NBPF4: variants seen among roughly 807,000 people sequenced by gnomAD.
The protein encoded by NBPF4 is NBPF family member NBPF4.
In NBPF4, 11 loss-of-function variants were observed where a neutral mutation model predicts 21.1. The ratio of observed to expected loss-of-function variants is 0.52; its 90% confidence interval spans 0.33 to 0.86. The LOEUF (loss-of-function observed/expected upper bound fraction) is 0.86, where lower values mean the gene tolerates loss of function less well. NBPF4 is among the 40% of genes least tolerant of loss of function. The pLI is 0.03. For missense variants in NBPF4, 88 were observed against 265.3 expected (o/e 0.33, Z 4.64); for synonymous variants, 47 against 106.4 (o/e 0.44, Z 3.43).
the NBPF4 span, among the ~76,000 whole-genome samples, chr1:108,256,589 T>TCTCCCTCC: frequency 9.0e-5 from 7 of 77,456 alleles, no homozygotes; most frequent in African/African-American, 2.5e-4. Context: ...TCCCTCCCTC[T>TCTCCCTCC]CTCCCTCCCT....
At chr1:108,259,500 AAC>A in the NBPF4 span, among the ~76,000 whole-genome samples, 1 of 144,298 alleles carries the variant, frequency 6.9e-6, no homozygotes, top group Non-Finnish European at 1.5e-5. Context: ...ATAACCAATC[AAC>A]AGTTTCATTA....
rs929952048 is a variant in NBPF4, at chr1:108,241,339, TAC to T, written c.279-177_279-176del. ...AAAGAAGAATATATATATATATATA[TAC>T]ACACACACACACACACACACATACA... On this transcript the variant is annotated intron_variant, in intron 3 of 14. Transcript: ENST00000415641. Among the ~76,000 whole-genome samples, 245 of 110,236 alleles carry T rather than the reference TAC, an allele frequency of 2.2e-3. 29 individuals are homozygous for T. The South Asian group carries it at 0.036, about 16-fold the overall frequency. 72.3% of individuals were successfully genotyped at this position (110,236 alleles called of 152,430 possible).
rs2101667653 is a variant in NBPF4 at position 108,223,156 on chromosome 1, T to C, written c.*549A>G. 6.6e-6 allele frequency among the ~76,000 whole-genome samples: 1 copy of C among 152,280 alleles called. No individual in the cohort carries two copies. The highest frequency in any genetic ancestry group is 1.9e-4 in the East Asian group (1 of 5,176). ...GGAGATGTTTTGGGTTCAAAATGAC[T>C]AAAAAAGCATAAGCTGCATAGGCTT... On this transcript the variant is annotated 3_prime_UTR_variant, in exon 15 of 15. Transcript: ENST00000415641.
chr1:108,267,819 T>C, the NBPF4 span, among the ~76,000 whole-genome samples: 1 of 69,070 alleles, frequency 1.4e-5, no homozygotes, highest in African/African-American at 5.4e-5. Flanking sequence ...AATGGGTAAA[T>C]TTATTTGGAT....
rs1482863725 is a variant in NBPF4, at chr1:108,222,975, G to A, written c.*730C>T. 6.6e-6 allele frequency among the ~76,000 whole-genome samples: 1 copy of A among 152,086 alleles called. No individual in the cohort carries two copies. Among genetic ancestry groups the A allele is most frequent in the Non-Finnish European group, 1.5e-5 (1 of 68,018 alleles). On this transcript the variant is annotated 3_prime_UTR_variant, in exon 15 of 15. Transcript: ENST00000415641. ...GCTGAGGTAGGAAGCTCACAGCATG[G>A]ACTCTGCAGAGTTCCTGGCAAAATG...
the NBPF4 span, among the ~76,000 whole-genome samples, chr1:108,268,483 A>G: frequency 0.043 from 6,433 of 150,488 alleles, 407 homozygotes; most frequent in African/African-American, 0.15. Flanking sequence ...AAGAAATTCC[A>G]TGGCAAGTAA....
chr1:108,257,514 T>C, the NBPF4 span, among the ~76,000 whole-genome samples: 2 of 150,100 alleles, frequency 1.3e-5, no homozygotes, highest in African/African-American at 2.5e-5. Flanking sequence ...ATTCCCAGCC[T>C]CTGGTACACA....
intron 14 of NBPF4, among the ~76,000 whole-genome samples, chr1:108,226,244 C>T (rs976828070): frequency 9.3e-5 from 14 of 151,218 alleles, no homozygotes; most frequent in Admixed American, 1.3e-4. Context: ...AAAGAAGACT[C>T]AAGAGGAAAA....
chr1:108,247,958 C>T (rs1218774720), upstream of NBPF4, among the ~76,000 whole-genome samples: 2 of 151,258 alleles, frequency 1.3e-5, no homozygotes, highest in Admixed American at 1.3e-4. Flanking sequence ...GAACTCTAGG[C>T]ACACATCACC....
upstream of NBPF4, among the ~76,000 whole-genome samples, chr1:108,244,969 C>T (rs1212763898): frequency 1.2e-5 from 1 of 83,136 alleles, no homozygotes; most frequent in Non-Finnish European, 2.4e-5. Context: ...TAGAGTTGCT[C>T]TAACACTGTT....
chr1:108,222,891 C>A lies in NBPF4; in HGVS notation c.*814G>T, dbSNP rs893520661. 7.9e-5 allele frequency among the ~76,000 whole-genome samples: 12 copies of A among 152,184 alleles called. No homozygotes were observed. The highest frequency in any genetic ancestry group is 8.8e-5 in the Non-Finnish European group (6 of 68,024). Reference sequence around the variant, plus strand: ...CCTAGACCCCTCCTTAACCAAGTGACCATCCTAGTATCACCGCACTGGGGA... The same window carrying A: ...CCTAGACCCCTCCTTAACCAAGTGAACATCCTAGTATCACCGCACTGGGGA... On this transcript the variant is annotated 3_prime_UTR_variant, in exon 15 of 15. Coordinates refer to ENST00000415641, the MANE Select transcript of NBPF4 (RefSeq NM_001143989.3).
chr1:108,257,752 C>CT, the NBPF4 span, among the ~76,000 whole-genome samples: 2 of 100,852 alleles, frequency 2.0e-5, no homozygotes, highest in African/African-American at 4.1e-5. Context: ...ATCTTTTTTT[C>CT]TTTTCTTTTC....
upstream of NBPF4, among the ~76,000 whole-genome samples, chr1:108,247,863 G>A (rs1484287100): frequency 3.1e-5 from 4 of 127,200 alleles, no homozygotes; most frequent in South Asian, 2.6e-4. Context: ...ACAGGTTCTC[G>A]TTCTGTCATC....
At position 108,223,488 on chromosome 1, in the gene NBPF4, G is replaced by A. The variant is rs750564292; in HGVS notation, c.*217C>T. The A allele has an allele frequency of 1.1e-4, 68 of 592,294 alleles. No individual in the cohort carries two copies. Among genetic ancestry groups the A allele is most frequent in the Non-Finnish European group, 1.8e-4 (59 of 328,986 alleles). The allele number at this position is 592,294 out of a possible 1,614,324, so 36.7% of individuals were successfully genotyped here. A position where few individuals can be genotyped will look rare whatever the true frequency, so the allele number is the denominator to read the frequency against. On this transcript the variant is annotated 3_prime_UTR_variant, in exon 15 of 15. Coordinates refer to ENST00000415641, the MANE Select transcript of NBPF4 (RefSeq NM_001143989.3). Reference sequence around the variant, plus strand: ...CCGGTCAATGCTATTTGTCCATCTGGGCATTGGTCTCCCTAGGTATTGATC... The same window carrying A: ...CCGGTCAATGCTATTTGTCCATCTGAGCATTGGTCTCCCTAGGTATTGATC...
chr1:108,226,697 C>A lies in NBPF4; in HGVS notation c.1857G>T (p.Pro619=), dbSNP rs1176267074. The A allele has an allele frequency of 5.9e-6, 8 of 1,365,134 alleles. No homozygotes were observed. The highest frequency in any genetic ancestry group is 6.9e-6 in the Non-Finnish European group (7 of 1,013,666). 84.6% of individuals were successfully genotyped at this position (1,365,134 alleles called of 1,614,324 possible). The change falls in exon 14 of 15, where the codon CCG becomes CCT. Residue 619 remains proline (P), a synonymous_variant. Coordinates refer to ENST00000415641, the MANE Select transcript of NBPF4 (RefSeq NM_001143989.3). ...TGATTACCTCTGCGCTCTCAGCATGCGGGCCAGCGAATCTGAATGCCAGTC... is the reference window on the plus strand; with the variant it reads ...TGATTACCTCTGCGCTCTCAGCATGAGGGCCAGCGAATCTGAATGCCAGTC... ...KWRLAFRFAG[P]HAESAEIPNT... is the part of the protein sequence containing the mutation.
At chr1:108,253,829 T>C in the NBPF4 span, among the ~76,000 whole-genome samples, 14 of 18,344 alleles carry the variant, frequency 7.6e-4, no homozygotes, top group African/African-American at 3.0e-3. Flanking sequence ...TGATTAGTGA[T>C]ATTGAGCAAC....
chr1:108,241,343 C>G (rs868065161), intron 3 of NBPF4, among the ~76,000 whole-genome samples, 179 bp from the exon 4 acceptor site: 21 of 106,696 alleles, frequency 2.0e-4, no homozygotes, highest in Admixed American at 1.2e-3. Flanking sequence ...TATATATACA[C>G]ACACACACAC....
At chr1:108,257,762 C>CTTTTTT in the NBPF4 span, among the ~76,000 whole-genome samples, 1,596 of 54,822 alleles carry the variant, frequency 0.029, 4 homozygotes, top group Non-Finnish European at 0.039. Flanking sequence ...CTTTTCTTTT[C>CTTTTTT]TTTTTTTTTT....
chr1:108,241,339 T>TACAC (rs929952048), intron 3 of NBPF4, among the ~76,000 whole-genome samples, 175 bp from the exon 4 acceptor site: 51 of 110,098 alleles, frequency 4.6e-4, no homozygotes, highest in East Asian at 1.6e-3. Flanking sequence ...TATATATATA[T>TACAC]ACACACACAC....
Sources: allele counts gnomAD v4.1 joint callset (sites outside exome capture counted in the v4.1 genomes callset), GRCh38; gene constraint gnomAD v4.1.1; transcripts MANE v1.5; gene names NCBI Gene and HGNC (gene_info 2026-07-23, HGNC 2026-07-21).